The following EVC variants were observed in gnomAD, a reference collection of about 807,000 sequenced individuals.
EVC encodes the protein EvC ciliary complex subunit 1, also known as evC complex member EVC.
In EVC, 116 loss-of-function variants were observed where a neutral mutation model predicts 118.9. The ratio of observed to expected loss-of-function variants is 0.98; its 90% CI spans 0.84 to 1.14. The LOEUF is 1.14. Among genes scored for constraint, EVC ranks in the 50% most tolerant of loss-of-function variants. The pLI, the probability that EVC is intolerant of heterozygous loss-of-function variation, is 0.00. For missense variants in EVC, 1,401 were observed against 1,246.4 expected (o/e 1.12, Z -1.87); for synonymous variants, 619 against 534.7 (o/e 1.16, Z -2.18).
chr4:5,724,680 C>T (rs1000739884), intron 2 of EVC, among the ~76,000 whole-genome samples: 3 of 147,344 alleles, frequency 2.0e-5, no homozygotes, highest in Admixed American at 1.4e-4. Context: ...AGGTAGCGTA[C>T]GTTGGTGGTT....
intron 12 of EVC, among the ~76,000 whole-genome samples, chr4:5,788,701 G>T (rs1427608068): frequency 6.6e-6 from 1 of 152,064 alleles, no homozygotes. Flanking sequence ...CCACTATTCA[G>T]CACCTCCCCT....
intron 5 of EVC, among the ~76,000 whole-genome samples, chr4:5,736,786 T>C (rs146151225): frequency 1.3e-5 from 2 of 152,328 alleles, no homozygotes; most frequent in East Asian, 1.9e-4. Flanking sequence ...TTCTGACTGC[T>C]CCACCAACTG....
chr4:5,768,275 C>T lies in EVC; in HGVS notation c.1563+11913C>T, dbSNP rs1329274163. 4.6e-5 allele frequency among the ~76,000 whole-genome samples: 7 copies of T among 152,046 alleles called. 1 individual carries two copies. Among genetic ancestry groups the T allele is most frequent in the African/African-American group, 1.7e-4 (7 of 41,358 alleles). Reference sequence around the variant, plus strand: ...ATGTTTTGAGTAGGGAAGTGACTTGCTTTATGTTTTACAAGGACCAGTGTG... The same window carrying T: ...ATGTTTTGAGTAGGGAAGTGACTTGTTTTATGTTTTACAAGGACCAGTGTG... On this transcript the variant is annotated intron_variant, in intron 11 of 20. Transcript: ENST00000264956.
At position 5,812,314 on chromosome 4, in the gene EVC, A is replaced by G. The variant is rs1259649075; in HGVS notation, c.*1277A>G. 1 of 145,162 alleles carries G rather than the reference A, an allele frequency of 6.9e-6. No individual in the cohort carries two copies. Among genetic ancestry groups the G allele is most frequent in the Non-Finnish European group, 1.4e-5 (1 of 71,916 alleles). 9.0% of individuals were successfully genotyped at this position (145,162 alleles called of 1,614,324 possible). ...CCACCGGGAGAGAAACTTCCAGACC[A>G]GCCCTCTCACTACAGCCAGAAGAGG... On this transcript the variant is annotated 3_prime_UTR_variant, in exon 21 of 21. Transcript: ENST00000264956.
intron 2 of EVC, among the ~76,000 whole-genome samples, chr4:5,729,046 A>G (rs1726344293): frequency 6.6e-6 from 1 of 151,974 alleles, no homozygotes; most frequent in Non-Finnish European, 1.5e-5. Context: ...CTGTCTACCT[A>G]TCCATCCATC....
intron 17 of EVC, 66 bp from the exon 18 acceptor site, chr4:5,808,135 C>T (rs1284850861): frequency 1.9e-6 from 1 of 515,696 alleles, no homozygotes; most frequent in African/African-American, 2.2e-5. Flanking sequence ...TTCCTTCTCC[C>T]TCCCTCCCTC....
At position 5,753,323 on chromosome 4, in the gene EVC, C is replaced by T. The variant is rs11731603; in HGVS notation, c.1315+271C>T. Among the ~76,000 whole-genome samples the T allele has an allele frequency of 0.097, 14,762 of 152,272 alleles. 805 individuals carry two copies. Among genetic ancestry groups the T allele is most frequent in the African/African-American group, 0.12 (5,140 of 41,548 alleles). ...GGGATTCCGGCTGATTGAGTCCCCA[C>T]GTCCTGCAGCAAAGCCACCAGGAAC... On this transcript the variant is annotated intron_variant, in intron 9 of 20. Coordinates refer to ENST00000264956, the MANE Select transcript of EVC (RefSeq NM_153717.3).
At chr4:5,741,843 A>C in intron 6 of EVC, 29 bp downstream of exon 6, 1 of 1,240,650 alleles carries the variant, frequency 8.1e-7, no homozygotes, top group Non-Finnish European at 1.2e-6. Flanking sequence ...TTTCAAGGTA[A>C]CTTAAAAATA....
chr4:5,749,341 G>GGAAAAAA lies in EVC; in HGVS notation c.1098+1035_1098+1036insGAAAAAA. Among the ~76,000 whole-genome samples, 1 of 121,880 alleles carries GGAAAAAA rather than the reference G, an allele frequency of 8.2e-6. No homozygotes were observed. The highest frequency in any genetic ancestry group is 1.7e-5 in the Non-Finnish European group (1 of 59,652). 80.0% of individuals were successfully genotyped at this position (121,880 alleles called of 152,430 possible). On this transcript the variant is annotated intron_variant, in intron 8 of 20. Coordinates refer to ENST00000264956, the MANE Select transcript of EVC (RefSeq NM_153717.3). This position sits in a 1 kb window ranked among gnomAD's most constrained non-coding sequence, Gnocchi z 4.4. ...TAACACTAACGATAGCTGATGAGCG[G>GGAAAAAA]AAAAAAAAAAAAAAAAAAAGGTCCC...
the EVC span, chr4:5,824,407 G>A: frequency 9.3e-5 from 92 of 985,180 alleles, no homozygotes; most frequent in African/African-American, 9.4e-4. Flanking sequence ...ATGCCTCCTC[G>A]GCATAATCAC....
At chr4:5,791,928 A>G (rs1473462314) in intron 12 of EVC, among the ~76,000 whole-genome samples, 1 of 152,072 alleles carries the variant, frequency 6.6e-6, no homozygotes, top group African/African-American at 2.4e-5. Flanking sequence ...CCCTCTACAC[A>G]TTCTCCCTTG....
rs866588980 is a variant in EVC, at chr4:5,742,144, T to C, written c.801+330T>C. 3.2e-4 allele frequency among the ~76,000 whole-genome samples: 48 copies of C among 152,238 alleles called. No individual in the cohort carries two copies. Among genetic ancestry groups the C allele is most frequent in the African/African-American group, 1.1e-3 (46 of 41,462 alleles). On this transcript the variant is annotated intron_variant, in intron 6 of 20. Coordinates refer to ENST00000264956, the MANE Select transcript of EVC (RefSeq NM_153717.3). The surrounding 1 kb of genome is among the most constrained non-coding windows in gnomAD (Gnocchi z 5.2). ...GGTTATAGCTATGTATACTACTTTG[T>C]ATTCTATTCTCAGTCTTTTATGGAA...
chr4:5,741,855 T>C (rs1728640019), intron 6 of EVC, 41 bp downstream of exon 6: 5 of 1,082,956 alleles, frequency 4.6e-6, no homozygotes, highest in Admixed American at 1.9e-5. Context: ...TTAAAAATAG[T>C]TTATTATAAT....
rs371708843 is a variant in EVC, at chr4:5,794,438, G to A, written c.1886+721G>A. ...TTCTTTTTTCTCGAGACAGACTCTC[G>A]CTCTGTCGCCCAGGCTAGTGTCCAG... On this transcript the variant is annotated intron_variant, in intron 13 of 20. Coordinates refer to ENST00000264956, the MANE Select transcript of EVC (RefSeq NM_153717.3). Among the ~76,000 whole-genome samples, 28 of 142,258 alleles carry A rather than the reference G, an allele frequency of 2.0e-4. 1 individual carries two copies. The East Asian group carries it at 5.0e-3, about 25-fold the overall frequency. 93.3% of individuals were successfully genotyped at this position (142,258 alleles called of 152,430 possible). A position where few individuals can be genotyped will look rare whatever the true frequency, so the allele number is the denominator to read the frequency against.
chr4:5,748,225 C>T lies in EVC; in HGVS notation c.1017C>T (p.Ala339=). ...VDQFKCSSSK[A]RQLMMTLTER... ...AGTTTAAGTGTTCCAGCTCCAAAGCCCGACAGCTGATGATGACTCTGACGG... is the reference window on the plus strand; with the variant it reads ...AGTTTAAGTGTTCCAGCTCCAAAGCTCGACAGCTGATGATGACTCTGACGG... The change falls in exon 8 of 21, where the codon GCC becomes GCT. Residue 339 remains alanine, a synonymous_variant. Coordinates refer to ENST00000264956, the MANE Select transcript of EVC (RefSeq NM_153717.3). 3.1e-6 allele frequency: 5 copies of T among 1,614,168 alleles called. No individual in the cohort carries two copies. Among genetic ancestry groups the T allele is most frequent in the Non-Finnish European group, 4.2e-6 (5 of 1,180,040 alleles).
At chr4:5,729,622 G>A (rs149350067) in intron 3 of EVC, among the ~76,000 whole-genome samples, 2 of 152,258 alleles carry the variant, frequency 1.3e-5, no homozygotes, top group Admixed American at 1.3e-4. Flanking sequence ...TAACAGCACA[G>A]TAGGACAGCT....
chr4:5,753,040 C>A lies in EVC; in HGVS notation c.1303C>A (p.Arg435Ser). 1 of 1,598,012 alleles carries A rather than the reference C, an allele frequency of 6.3e-7. No individual in the cohort carries two copies. Among genetic ancestry groups the A allele is most frequent in the African/African-American group, 1.3e-5 (1 of 74,900 alleles). The change falls in exon 9 of 21, where the codon CGC becomes AGC. Residue 435 changes from arginine to serine, a missense_variant. By Grantham distance (110) the Arg-to-Ser change is moderately radical. Transcript: ENST00000264956. ...QHKAFWQEAE[R>S]FSREFVQRGK... ...CAAGGCCTTCTGGCAGGAGGCAGAG[C>A]GCTTCAGCCGGGGTGAGCCGTGGGC...
the EVC span, among the ~76,000 whole-genome samples, chr4:5,819,350 TTC>T: frequency 1.3e-5 from 2 of 152,102 alleles, no homozygotes; most frequent in Admixed American, 1.3e-4. Flanking sequence ...CCCTAAAACT[TTC>T]TGAGAAACTC....
chr4:5,793,255 C>T (rs913543027), intron 12 of EVC, among the ~76,000 whole-genome samples: 7 of 151,894 alleles, frequency 4.6e-5, no homozygotes, highest in East Asian at 1.9e-4. Context: ...GACAAAGTGG[C>T]GTTAGAGGAA....
Sources: gnomAD v4.1 joint callset for allele counts (sites outside exome capture counted in the v4.1 genomes callset) on GRCh38, gnomAD v4.1.1 for gene constraint, Gnocchi (gnomAD v3.1) non-coding constraint, MANE v1.5 for transcripts, NCBI Gene and HGNC (gene_info 2026-07-23, HGNC 2026-07-21) for gene names.